CCDC191: variants seen among roughly 807,000 people sequenced by gnomAD.
CCDC191 encodes coiled-coil domain-containing protein 191.
CCDC191 carries 99 observed loss-of-function variants against 114.0 expected under a neutral mutation model. That is an observed-to-expected ratio of 0.87 (90% confidence interval 0.74 to 1.03). The LOEUF is 1.03. Among genes scored for constraint, CCDC191 ranks in the 50% least tolerant of loss-of-function variants. The probability of loss-of-function intolerance (pLI) is 0.00; values close to 1 mark genes in which losing one functional copy is unlikely to be tolerated. For missense variants in CCDC191, 973 were observed against 1,087.0 expected (o/e 0.90, Z 1.47); for synonymous variants, 351 against 376.0 (o/e 0.93, Z 0.77).
intron 13 of CCDC191, among the ~76,000 whole-genome samples, chr3:113,983,831 A>G (rs2075259791): frequency 6.6e-6 from 1 of 152,214 alleles, no homozygotes; most frequent in African/African-American, 2.4e-5. Flanking sequence ...CTGTCCATCA[A>G]TCAGAAGTAT....
At chr3:114,008,586 C>T (rs746291723) in intron 9 of CCDC191, among the ~76,000 whole-genome samples, 7 of 151,736 alleles carry the variant, frequency 4.6e-5, no homozygotes, top group African/African-American at 7.3e-5. Context: ...AAGAAGAAGC[C>T]GACAGGATTG....
Position 113,965,196 on chromosome 3 carries a change from C to CTGAT in CCDC191, c.2766_2769dup (p.Asp924IlefsTer8), listed in dbSNP as rs1939991153. ...CTTGTCTTACTCAAGGACCAAGTAT[C>CTGAT]TGATTGCTGATATAGCTCGTGGTAC... On this transcript the variant is annotated frameshift_variant, in exon 17 of 17. Transcript: ENST00000295878. LOFTEE classifies it low-confidence loss of function (END_TRUNC). The CTGAT allele has an allele frequency of 1.2e-6, 2 of 1,609,874 alleles. No homozygotes were observed. The highest frequency in any genetic ancestry group is 1.7e-6 in the Non-Finnish European group (2 of 1,178,250).
intron 11 of CCDC191, chr3:114,003,035 C>G: frequency 1.0e-6 from 1 of 985,234 alleles, no homozygotes; most frequent in Non-Finnish European, 1.2e-6. Flanking sequence ...TTTGGGGTCA[C>G]GATGAATATA....
At chr3:114,004,856 C>T (rs2075922065) in intron 10 of CCDC191, 110 bp from the exon 11 acceptor site, 1 of 1,132,218 alleles carries the variant, frequency 8.8e-7, no homozygotes, top group South Asian at 1.5e-5. Flanking sequence ...TCCCTACTCT[C>T]TGAGATAACT....
chr3:114,019,288 C>A (rs1480615770), intron 7 of CCDC191, among the ~76,000 whole-genome samples: 1 of 152,196 alleles, frequency 6.6e-6, no homozygotes, highest in Non-Finnish European at 1.5e-5. Context: ...AGTGTCCACA[C>A]AAGTGAACGG....
chr3:114,028,737 A>C (rs2076361347), intron 7 of CCDC191, among the ~76,000 whole-genome samples: 2 of 151,168 alleles, frequency 1.3e-5, no homozygotes, highest in South Asian at 4.2e-4. Context: ...ATTATCCTTG[A>C]CAATATTATT....
At chr3:114,029,635 A>G (rs551037954) in intron 7 of CCDC191, among the ~76,000 whole-genome samples, 37 of 152,232 alleles carry the variant, frequency 2.4e-4, no homozygotes, top group Non-Finnish European at 4.1e-4. Flanking sequence ...AAGGAAAAAC[A>G]GCAACTCTAC....
chr3:114,033,112 G>A (rs1452287367), intron 6 of CCDC191, among the ~76,000 whole-genome samples: 1 of 144,926 alleles, frequency 6.9e-6, no homozygotes, highest in Admixed American at 6.9e-5. Context: ...TTTTCTGTTT[G>A]CGATGGAGTC....
intron 2 of CCDC191, among the ~76,000 whole-genome samples, chr3:114,051,128 G>A (rs1028022675): frequency 6.6e-6 from 1 of 152,086 alleles, no homozygotes; most frequent in Admixed American, 6.6e-5. Context: ...ATGTCACAAA[G>A]CATGGTTCAC....
intron 2 of CCDC191, chr3:114,047,028 G>A (rs946432522): frequency 1.0e-6 from 1 of 952,730 alleles, no homozygotes; most frequent in Non-Finnish European, 1.2e-6. Flanking sequence ...ATTAGTGATA[G>A]GATCCTGAGA....
chr3:114,012,694 G>A (rs953533975), intron 8 of CCDC191, among the ~76,000 whole-genome samples: 1 of 152,160 alleles, frequency 6.6e-6, no homozygotes, highest in Non-Finnish European at 1.5e-5. Flanking sequence ...TGATTAATGT[G>A]AAATTCAATT....
At chr3:113,998,306 C>CAAA (rs61430954) in intron 13 of CCDC191, among the ~76,000 whole-genome samples, 5 of 82,612 alleles carry the variant, frequency 6.1e-5, no homozygotes, top group East Asian at 3.4e-4. Flanking sequence ...AACTCTGCTT[C>CAAA]AAAAAAAAAA....
intron 4 of CCDC191, among the ~76,000 whole-genome samples, chr3:114,040,480 G>C (rs563525524): frequency 6.6e-6 from 1 of 151,654 alleles, no homozygotes; most frequent in Non-Finnish European, 1.5e-5. Flanking sequence ...CTCTTTTATC[G>C]TTAGAAAATG....
intron 13 of CCDC191, chr3:113,984,702 T>G (rs1257358662): frequency 1.3e-5 from 2 of 152,226 alleles, no homozygotes; most frequent in Non-Finnish European, 2.9e-5. Flanking sequence ...AGTTGACTAA[T>G]GAAATGGAAA....
rs2075031655 is a variant in CCDC191 at position 113,978,805 on chromosome 3, A to G, written c.2460+53T>C. ...ATTCTGGATTTCATTTAGTTTTCTT[A>G]AATAGAATTGAGCAATGAGATGTAT... On this transcript the variant is annotated intron_variant, in intron 15 of 16. Transcript: ENST00000295878. The G allele has an allele frequency of 7.7e-6, 12 of 1,564,402 alleles. No individual in the cohort carries two copies. In the South Asian group the frequency reaches 1.0e-4, roughly 14 times the overall value.
chr3:114,045,456 C>A (rs1577475899), intron 3 of CCDC191, among the ~76,000 whole-genome samples: 2 of 152,226 alleles, frequency 1.3e-5, no homozygotes, highest in African/African-American at 4.8e-5. Context: ...ACTGCAACCT[C>A]TGCCTTCCGA....
chr3:114,041,631 T>C (rs748970370), intron 4 of CCDC191, among the ~76,000 whole-genome samples: 2 of 152,138 alleles, frequency 1.3e-5, no homozygotes, highest in Non-Finnish European at 2.9e-5. Context: ...GACTACCTAG[T>C]CTTGAAGGAT....
chr3:114,002,381 G>T, intron 12 of CCDC191, 75 bp downstream of exon 12: 1 of 1,088,388 alleles, frequency 9.2e-7, no homozygotes, highest in Non-Finnish European at 1.3e-6. Context: ...TTCTGAAAAA[G>T]CAAGGTTTCA....
At chr3:114,053,141 G>A (rs1187644004) in intron 2 of CCDC191, among the ~76,000 whole-genome samples, 1 of 152,146 alleles carries the variant, frequency 6.6e-6, no homozygotes, top group African/African-American at 2.4e-5. Flanking sequence ...TAGCTTCAGT[G>A]GTAGAAAACA....
Sources: gnomAD v4.1 joint callset for allele counts (sites outside exome capture counted in the v4.1 genomes callset) on GRCh38, gnomAD v4.1.1 for gene constraint, MANE v1.5 for transcripts, NCBI Gene and HGNC (gene_info 2026-07-23, HGNC 2026-07-21) for gene names.